Variants in MALRD1 observed in about 807,000 individuals in gnomAD.
MALRD1 encodes the protein MAM and LDL-receptor class A domain-containing protein 1.
In MALRD1, 247 loss-of-function variants were observed where a neutral mutation model predicts 242.1. That is an observed-to-expected ratio of 1.02 (90% CI 0.92 to 1.13). The LOEUF is 1.13. MALRD1 is among the 50% of genes most tolerant of loss of function. The pLI, the probability that MALRD1 is intolerant of heterozygous loss-of-function variation, is 0.00. For missense variants in MALRD1, 2,989 were observed against 2,533.1 expected (o/e 1.18, Z -3.86); for synonymous variants, 995 against 866.6 (o/e 1.15, Z -2.60).
At chr10:19,251,214 G>A (rs1352961714) in intron 18 of MALRD1, among the ~76,000 whole-genome samples, 3 of 152,004 alleles carry the variant, frequency 2.0e-5, no homozygotes, top group Non-Finnish European at 4.4e-5. Flanking sequence ...CAACCATGTA[G>A]CACCATCCAA....
At chr10:19,230,142 C>G (rs1350669365) in intron 18 of MALRD1, among the ~76,000 whole-genome samples, 5 of 152,102 alleles carry the variant, frequency 3.3e-5, no homozygotes, top group Non-Finnish European at 7.4e-5. Flanking sequence ...ATTGTGAGGC[C>G]TCCTCAGCCA....
At chr10:19,110,871 C>T (rs1647013193) in intron 5 of MALRD1, among the ~76,000 whole-genome samples, 1 of 152,130 alleles carries the variant, frequency 6.6e-6, no homozygotes, top group African/African-American at 2.4e-5. Context: ...TGGCTAATCA[C>T]ATTCAAAGGA....
rs950861675 is a variant in MALRD1 at position 19,463,983 on chromosome 10, T to C, written c.5029+13493T>C. ...TGATCATTAGTGATGTTGAACATTT[T>C]TTCATATGTTTGTTGACCATTTGTA... On this transcript the variant is annotated intron_variant, in intron 29 of 39. Transcript: ENST00000454679. 2.0e-5 allele frequency among the ~76,000 whole-genome samples: 3 copies of C among 152,374 alleles called. No homozygotes were observed. The East Asian group carries it at 5.8e-4, about 29-fold the overall frequency.
intron 20 of MALRD1, among the ~76,000 whole-genome samples, chr10:19,281,843 G>A (rs143212249): frequency 0.016 from 2,442 of 151,788 alleles, 69 homozygotes; most frequent in African/African-American, 0.056. Context: ...GTGTGGTGGC[G>A]TGTGCCTGTA....
intron 21 of MALRD1, among the ~76,000 whole-genome samples, chr10:19,309,573 A>C (rs1257590960): frequency 1.3e-5 from 2 of 151,612 alleles, no homozygotes; most frequent in Non-Finnish European, 3.0e-5. Flanking sequence ...AGTCAAAGAC[A>C]GATTGAAAGT....
chr10:19,204,100 A>G (rs1258439817), intron 15 of MALRD1, among the ~76,000 whole-genome samples: 6 of 152,186 alleles, frequency 3.9e-5, no homozygotes, highest in South Asian at 2.1e-4. Context: ...GAAATTACCA[A>G]TGGTCTTTGG....
chr10:19,127,405 G>T (rs12761196), intron 7 of MALRD1, among the ~76,000 whole-genome samples: 5,699 of 152,218 alleles, frequency 0.037, 292 homozygotes, highest in Admixed American at 0.17. Context: ...AGTATTTGCT[G>T]TAGCTGTAAA....
At chr10:19,354,629 C>T (rs746046302) in intron 26 of MALRD1, among the ~76,000 whole-genome samples, 2 of 151,962 alleles carry the variant, frequency 1.3e-5, no homozygotes, top group Non-Finnish European at 2.9e-5. Flanking sequence ...TGATATTTGT[C>T]TCTCTGCCTG....
At chr10:19,191,752 C>T (rs978754543) in intron 14 of MALRD1, among the ~76,000 whole-genome samples, 18 of 152,216 alleles carry the variant, frequency 1.2e-4, no homozygotes, top group African/African-American at 4.1e-4. Flanking sequence ...AATCCTAGCA[C>T]TTTGGGAGGC....
chr10:19,566,861 G>A (rs376706056), intron 32 of MALRD1, among the ~76,000 whole-genome samples: 1 of 151,836 alleles, frequency 6.6e-6, no homozygotes, highest in East Asian at 1.9e-4. Context: ...ACTAGAAAAT[G>A]CCATATGTTA....
At chr10:19,470,500 T>C (rs1272312508) in intron 29 of MALRD1, among the ~76,000 whole-genome samples, 2 of 152,048 alleles carry the variant, frequency 1.3e-5, no homozygotes, top group Non-Finnish European at 1.5e-5. Context: ...TATTTTTAAT[T>C]TTTTAAGGAA....
chr10:19,501,295 A>G (rs1350124495), intron 31 of MALRD1, among the ~76,000 whole-genome samples: 2 of 152,194 alleles, frequency 1.3e-5, no homozygotes, highest in Non-Finnish European at 2.9e-5. Context: ...GTTTAGCAGC[A>G]CTTGAGGCCT....
chr10:19,353,465 C>T (rs1844486411), intron 26 of MALRD1, among the ~76,000 whole-genome samples: 1 of 152,162 alleles, frequency 6.6e-6, no homozygotes, highest in Non-Finnish European at 1.5e-5. Context: ...GTGGAATGGG[C>T]AGTGTTGCCA....
chr10:19,729,767 C>T (rs1233933755), intron 38 of MALRD1, among the ~76,000 whole-genome samples: 13 of 108,738 alleles, frequency 1.2e-4, no homozygotes, highest in African/African-American at 1.8e-4. Flanking sequence ...GACGGAGTCT[C>T]GCTCTGTGGC....
At chr10:19,456,686 AAAG>A (rs1453057371) in intron 29 of MALRD1, among the ~76,000 whole-genome samples, 11 of 152,286 alleles carry the variant, frequency 7.2e-5, no homozygotes, top group South Asian at 2.1e-4. Flanking sequence ...CAGACAAGAA[AAAG>A]AAGAAGGCAA....
At chr10:19,237,572 A>C (rs1376259921) in intron 18 of MALRD1, among the ~76,000 whole-genome samples, 1 of 94,294 alleles carries the variant, frequency 1.1e-5, no homozygotes, top group Non-Finnish European at 2.0e-5. Context: ...ATAAAATTAT[A>C]TATAATTATA....
intron 9 of MALRD1, among the ~76,000 whole-genome samples, chr10:19,135,321 AT>A (rs1400467527): frequency 8.6e-5 from 13 of 151,964 alleles, no homozygotes. Context: ...TGCCCAGCTA[AT>A]TTTTTGTATT....
At chr10:19,382,920 G>T (rs1845899684) in intron 26 of MALRD1, among the ~76,000 whole-genome samples, 3 of 152,084 alleles carry the variant, frequency 2.0e-5, no homozygotes, top group Non-Finnish European at 4.4e-5. Context: ...ATAACCTTCA[G>T]TACCAAAATT....
intron 36 of MALRD1, among the ~76,000 whole-genome samples, chr10:19,675,371 A>G (rs1403820420): frequency 6.6e-6 from 1 of 152,172 alleles, no homozygotes; most frequent in Non-Finnish European, 1.5e-5. Flanking sequence ...TACTACTTAC[A>G]AAGCCATTGC....
Sources: gnomAD v4.1 joint callset for allele counts (sites outside exome capture counted in the v4.1 genomes callset) on GRCh38, gnomAD v4.1.1 for gene constraint, MANE v1.5 for transcripts, NCBI Gene and HGNC (gene_info 2026-07-23, HGNC 2026-07-21) for gene names.